The following CHRM3 variants were observed in gnomAD, a reference collection of about 807,000 sequenced individuals.
CHRM3 encodes the protein cholinergic receptor muscarinic 3, also known as muscarinic acetylcholine receptor M3.
In CHRM3, 11 loss-of-function variants were observed where a neutral mutation model predicts 41.8. That is an observed-to-expected ratio of 0.26 (90% confidence interval 0.17 to 0.44). The LOEUF (loss-of-function observed/expected upper bound fraction) is 0.44. Ranked by LOEUF, CHRM3 falls within the 20% of genes least tolerant of loss-of-function variation. The pLI is 1.00. For synonymous variants in CHRM3, 297 were observed against 301.4 expected (o/e 0.99, Z 0.15); for missense variants, 571 against 745.4 (o/e 0.77, Z 2.72).
Position 239,907,384 on chromosome 1 carries a change from A to C in CHRM3, c.-19-49A>C, listed in dbSNP as rs1005511162. On this transcript the variant is annotated intron_variant, in intron 6 of 6. Transcript: ENST00000676153. The surrounding 1 kb of genome is among the most constrained non-coding windows in gnomAD (Gnocchi z 5.4). ...ACGTATGTAATGCAAAGAACAAACA[A>C]ATAAAGGCAGAAATTTTTCTAACTC... The C allele has an allele frequency of 4.7e-6, 7 of 1,474,112 alleles. No individual in the cohort carries two copies. The highest frequency in any genetic ancestry group is 1.4e-5 in the African/African-American group (1 of 71,230). 91.3% of individuals were successfully genotyped at this position (1,474,112 alleles called of 1,614,324 possible). A position where few individuals can be genotyped will look rare whatever the true frequency, so the allele number is the denominator to read the frequency against.
At chr1:239,460,913 T>G (rs559032148) in intron 1 of CHRM3, among the ~76,000 whole-genome samples, 2 of 152,328 alleles carry the variant, frequency 1.3e-5, no homozygotes, top group African/African-American at 4.8e-5. Context: ...TAGTTCCTCA[T>G]AAAGAGACAT....
chr1:239,787,544 G>C (rs1369149911), intron 5 of CHRM3, among the ~76,000 whole-genome samples: 26 of 152,110 alleles, frequency 1.7e-4, no homozygotes, highest in Admixed American at 1.7e-3. Context: ...AATGAGGATA[G>C]AAAAAGTATC....
At chr1:239,456,901 C>G (rs1381074213) in intron 1 of CHRM3, among the ~76,000 whole-genome samples, 1 of 152,188 alleles carries the variant, frequency 6.6e-6, no homozygotes, top group Admixed American at 6.5e-5. Context: ...ACTAAACATA[C>G]CTTTCTTCCA....
chr1:239,812,011 A>G (rs115808198), intron 5 of CHRM3, among the ~76,000 whole-genome samples: 4 of 152,302 alleles, frequency 2.6e-5, no homozygotes, highest in Non-Finnish European at 5.9e-5. Context: ...TTTGTTTAAT[A>G]AAAAAGTCTA....
chr1:239,461,832 G>A (rs1219595651), intron 1 of CHRM3, among the ~76,000 whole-genome samples: 3 of 152,016 alleles, frequency 2.0e-5, no homozygotes, highest in East Asian at 2.0e-4. Context: ...CTGGGGACAT[G>A]TTGGTTGGTT....
intron 6 of CHRM3, among the ~76,000 whole-genome samples, chr1:239,851,278 A>G (rs1430898846): frequency 6.6e-6 from 1 of 152,052 alleles, no homozygotes; most frequent in African/African-American, 2.4e-5. Context: ...AAAAACAATT[A>G]GTTATTTGAA....
chr1:239,688,465 T>C (rs934071516), intron 5 of CHRM3, among the ~76,000 whole-genome samples: 12 of 142,064 alleles, frequency 8.4e-5, no homozygotes, highest in African/African-American at 3.1e-4. Flanking sequence ...TATTATATTA[T>C]ATATTATATA....
chr1:239,610,190 CAAAAAAAAAAA>C (rs35512941), intron 3 of CHRM3, among the ~76,000 whole-genome samples: 41 of 77,890 alleles, frequency 5.3e-4, no homozygotes, highest in African/African-American at 1.4e-3. Context: ...AAGACTCTGT[CAAAAAAAAAAA>C]AAAAAAAAAA....
intron 6 of CHRM3, among the ~76,000 whole-genome samples, chr1:239,895,499 A>G (rs990144570): frequency 6.6e-6 from 1 of 152,236 alleles, no homozygotes; most frequent in Admixed American, 6.5e-5. Context: ...GTTCTACCCT[A>G]TAGACACATA....
chr1:239,613,961 C>T (rs1667344403), intron 3 of CHRM3, among the ~76,000 whole-genome samples: 1 of 151,980 alleles, frequency 6.6e-6, no homozygotes, highest in African/African-American at 2.4e-5. Flanking sequence ...TTGAGACCAG[C>T]CTCAACAACA....
intron 3 of CHRM3, among the ~76,000 whole-genome samples, chr1:239,590,944 T>C (rs956272055): frequency 6.6e-6 from 1 of 152,176 alleles, no homozygotes; most frequent in African/African-American, 2.4e-5. Flanking sequence ...GATATGGCTG[T>C]TAAAAACCTA....
intron 1 of CHRM3, among the ~76,000 whole-genome samples, chr1:239,392,193 T>G (rs1251445743): frequency 6.6e-6 from 1 of 152,192 alleles, no homozygotes; most frequent in Non-Finnish European, 1.5e-5. Context: ...TGACAAACCC[T>G]TGGACCTAAG....
At chr1:239,688,890 A>G (rs1571991129) in intron 5 of CHRM3, among the ~76,000 whole-genome samples, 1 of 144,038 alleles carries the variant, frequency 6.9e-6, no homozygotes, top group Admixed American at 7.3e-5. Context: ...ATATGTATAT[A>G]TAATATACAT....
intron 3 of CHRM3, among the ~76,000 whole-genome samples, chr1:239,576,230 C>G (rs1048466001): frequency 2.6e-5 from 4 of 151,762 alleles, no homozygotes; most frequent in African/African-American, 9.7e-5. Context: ...AGGCTAGAAC[C>G]AATAAAAGCT....
At chr1:239,696,729 A>T (rs931105850) in intron 5 of CHRM3, among the ~76,000 whole-genome samples, 1 of 152,144 alleles carries the variant, frequency 6.6e-6, no homozygotes, top group African/African-American at 2.4e-5. Context: ...ATGTGTCAAA[A>T]ATGTCTTTTA....
intron 3 of CHRM3, among the ~76,000 whole-genome samples, chr1:239,554,233 C>G (rs536382846): frequency 2.0e-5 from 3 of 152,094 alleles, no homozygotes; most frequent in Non-Finnish European, 4.4e-5. Flanking sequence ...ATTAAATTAT[C>G]TGAAAAGAAA....
intron 1 of CHRM3, among the ~76,000 whole-genome samples, chr1:239,426,532 G>T (rs886262496): frequency 6.6e-6 from 1 of 151,758 alleles, no homozygotes; most frequent in Non-Finnish European, 1.5e-5. Flanking sequence ...AGATGAGTGG[G>T]TTCAATGTAT....
Position 239,585,162 on chromosome 1 carries a change from C to A in CHRM3, c.-313+39413C>A, listed in dbSNP as rs552752757. Among the ~76,000 whole-genome samples the A allele has an allele frequency of 2.0e-5, 3 of 151,678 alleles. No individual in the cohort carries two copies. In the East Asian group the frequency reaches 5.8e-4, roughly 29 times the overall value. On this transcript the variant is annotated intron_variant, in intron 3 of 6. Coordinates refer to ENST00000676153, the MANE Select transcript of CHRM3 (RefSeq NM_001375978.1). Reference sequence around the variant, plus strand: ...ATACTTTTAGGCACATATTCACGTGCAAATACAGTTGAGGAGCTTTTGATG... The same window carrying A: ...ATACTTTTAGGCACATATTCACGTGAAAATACAGTTGAGGAGCTTTTGATG...
intron 6 of CHRM3, among the ~76,000 whole-genome samples, chr1:239,871,434 G>C (rs1188630811): frequency 6.6e-6 from 1 of 152,058 alleles, no homozygotes; most frequent in East Asian, 1.9e-4. Flanking sequence ...TAGAGACGAG[G>C]TTTCACTGTG....
Sources: gnomAD v4.1 joint callset for allele counts (sites outside exome capture counted in the v4.1 genomes callset) on GRCh38, gnomAD v4.1.1 for gene constraint, Gnocchi (gnomAD v3.1) non-coding constraint, MANE v1.5 for transcripts, NCBI Gene and HGNC (gene_info 2026-07-23, HGNC 2026-07-21) for gene names.